Variants in CSRNP3 observed in about 807,000 individuals in gnomAD.
CSRNP3 encodes cysteine/serine-rich nuclear protein 3.
A neutral mutation model predicts 48.0 loss-of-function variants in CSRNP3; 12 were observed. The ratio of observed to expected loss-of-function variants is 0.25; its 90% CI spans 0.16 to 0.41. CSRNP3 has a LOEUF of 0.41. Among genes scored for constraint, CSRNP3 ranks in the 10% least tolerant of loss-of-function variants. CSRNP3 has a pLI of 1.00. For synonymous variants in CSRNP3, 263 were observed against 269.7 expected (o/e 0.98, Z 0.24); for missense variants, 580 against 724.4 (o/e 0.80, Z 2.29).
chr2:165,482,195 C>T (rs1684055655), intron 1 of CSRNP3, among the ~76,000 whole-genome samples: 1 of 151,960 alleles, frequency 6.6e-6, no homozygotes, highest in Non-Finnish European at 1.5e-5. Context: ...ATTCAGGATT[C>T]ACCATTTCCT....
At chr2:165,633,258 A>G (rs1218908002) in intron 4 of CSRNP3, among the ~76,000 whole-genome samples, 1 of 152,218 alleles carries the variant, frequency 6.6e-6, no homozygotes, top group Non-Finnish European at 1.5e-5. Flanking sequence ...GTTTATTTCT[A>G]TCACTTAAAT....
Position 165,678,097 on chromosome 2 carries a change from C to T in CSRNP3, c.706-604C>T, listed in dbSNP as rs369011410. Among the ~76,000 whole-genome samples, 8 of 152,156 alleles carry T rather than the reference C, an allele frequency of 5.3e-5. No individual in the cohort carries two copies. The South Asian group carries it at 8.3e-4, about 16-fold the overall frequency. ...ACACATGCACCCATGTACCAAGCACCCCAAACAATAAGAAGGTAAGCAAAT... is the reference window on the plus strand; with the variant it reads ...ACACATGCACCCATGTACCAAGCACTCCAAACAATAAGAAGGTAAGCAAAT... On this transcript the variant is annotated intron_variant, in intron 6 of 6. Transcript: ENST00000651982.
chr2:165,661,276 A>G (rs892189759), intron 5 of CSRNP3, among the ~76,000 whole-genome samples: 2 of 152,326 alleles, frequency 1.3e-5, no homozygotes, highest in East Asian at 3.9e-4. Context: ...TGATAAACCC[A>G]TCGTAAATTT....
intron 4 of CSRNP3, among the ~76,000 whole-genome samples, chr2:165,609,416 G>A (rs1422980942): frequency 7.2e-6 from 1 of 138,638 alleles, no homozygotes; most frequent in Non-Finnish European, 1.5e-5. Context: ...CCGAGATGGC[G>A]CCACTGCACT....
intron 3 of CSRNP3, among the ~76,000 whole-genome samples, chr2:165,533,456 A>G (rs1192446695): frequency 6.6e-6 from 1 of 152,030 alleles, no homozygotes; most frequent in Non-Finnish European, 1.5e-5. Context: ...TTTACTGACA[A>G]TCTCATAAGG....
In CSRNP3 at chr2:165,547,349, C is replaced by T. The variant is rs559645467; in HGVS notation, c.-24+29388C>T. 4.6e-5 allele frequency among the ~76,000 whole-genome samples: 7 copies of T among 152,238 alleles called. 1 individual carries two copies. In the South Asian group the frequency reaches 1.4e-3, roughly 32 times the overall value. On this transcript the variant is annotated intron_variant, in intron 3 of 6. Coordinates refer to ENST00000651982, the MANE Select transcript of CSRNP3 (RefSeq NM_001172173.2). Reference sequence around the variant, plus strand: ...GTCAAAAGGTTTGTGCTTTGAAAAACTTTCACAGATAATGCCAAATTACTG... The same window carrying T: ...GTCAAAAGGTTTGTGCTTTGAAAAATTTTCACAGATAATGCCAAATTACTG...
intron 3 of CSRNP3, among the ~76,000 whole-genome samples, chr2:165,589,962 G>T (rs1023487280): frequency 1.3e-5 from 2 of 152,034 alleles, no homozygotes; most frequent in Non-Finnish European, 2.9e-5. Context: ...TTAAACATAG[G>T]TTTCCATCTT....
intron 1 of CSRNP3, among the ~76,000 whole-genome samples, chr2:165,483,290 A>G (rs1427862413): frequency 6.6e-6 from 1 of 152,108 alleles, no homozygotes; most frequent in East Asian, 1.9e-4. Context: ...TGATTTTTAG[A>G]AAAATAACTT....
rs1318055891 is a variant in CSRNP3 at position 165,688,715 on chromosome 2, C to A, written c.*8962C>A. ...GTGTTATCCTTCAGTCTGTGTTGAA[C>A]CATTCAGATATTGGGAATGGTCCTT... On this transcript the variant is annotated 3_prime_UTR_variant, in exon 7 of 7. Coordinates refer to ENST00000651982, the MANE Select transcript of CSRNP3 (RefSeq NM_001172173.2). 2.0e-5 allele frequency: 3 copies of A among 151,888 alleles called. No individual in the cohort carries two copies. Among genetic ancestry groups the A allele is most frequent in the Non-Finnish European group, 4.4e-5 (3 of 67,970 alleles). 9.4% of individuals were successfully genotyped at this position (151,888 alleles called of 1,614,324 possible). A position where few individuals can be genotyped will look rare whatever the true frequency, so the allele number is the denominator to read the frequency against.
intron 3 of CSRNP3, among the ~76,000 whole-genome samples, chr2:165,562,119 C>T (rs1558935159): frequency 6.6e-6 from 1 of 151,928 alleles, no homozygotes; most frequent in African/African-American, 2.4e-5. Context: ...ATTAGAAAAG[C>T]CCGAACACCC....
At chr2:165,493,603 C>A (rs532960708) in intron 1 of CSRNP3, among the ~76,000 whole-genome samples, 1 of 152,142 alleles carries the variant, frequency 6.6e-6, no homozygotes, top group Admixed American at 6.5e-5. Flanking sequence ...ATGAATGGAG[C>A]ATTGGCCGGA....
At chr2:165,595,344 C>T in intron 4 of CSRNP3, 131 bp downstream of exon 4, 3 of 829,176 alleles carry the variant, frequency 3.6e-6, no homozygotes, top group Non-Finnish European at 3.7e-6. Context: ...AACACTTACC[C>T]AAAAATGAAA....
At position 165,502,731 on chromosome 2, in the gene CSRNP3, C is replaced by T. The variant is rs185799045; in HGVS notation, c.-113+7803C>T. Among the ~76,000 whole-genome samples, 11 of 151,898 alleles carry T rather than the reference C, an allele frequency of 7.2e-5. No individual in the cohort carries two copies. The East Asian group carries it at 2.1e-3, about 29-fold the overall frequency. ...AAATCTCTCTCTCTCCCCCACCTGCCACCGGCTCCCTCTCTCTCTCTTCCC... is the reference window on the plus strand; with the variant it reads ...AAATCTCTCTCTCTCCCCCACCTGCTACCGGCTCCCTCTCTCTCTCTTCCC... On this transcript the variant is annotated intron_variant, in intron 2 of 6. Coordinates refer to ENST00000651982, the MANE Select transcript of CSRNP3 (RefSeq NM_001172173.2).
chr2:165,613,625 G>C (rs956254521), intron 4 of CSRNP3, among the ~76,000 whole-genome samples: 12 of 152,142 alleles, frequency 7.9e-5, no homozygotes, highest in Admixed American at 7.2e-4. Flanking sequence ...TAGATATTCA[G>C]TTCTCACCAA....
At position 165,582,487 on chromosome 2, in the gene CSRNP3, C is replaced by T. The variant is rs555881636; in HGVS notation, c.-23-12556C>T. ...GCAGCCAAGACGACAGTGAAGAAAT[C>T]CCCTGGAAATGTCTCCAGCAAATGC... On this transcript the variant is annotated intron_variant, in intron 3 of 6. Transcript: ENST00000651982. 1.2e-4 allele frequency among the ~76,000 whole-genome samples: 19 copies of T among 152,266 alleles called. No homozygotes were observed. In the South Asian group the frequency reaches 3.9e-3, roughly 32 times the overall value.
At chr2:165,594,856 C>T (rs1456352904) in intron 3 of CSRNP3, among the ~76,000 whole-genome samples, 187 bp from the exon 4 acceptor site, 1 of 151,960 alleles carries the variant, frequency 6.6e-6, no homozygotes, top group African/African-American at 2.4e-5. Flanking sequence ...GTTAAATACT[C>T]ATATTTAATT....
At chr2:165,603,836 A>G (rs139029126) in intron 4 of CSRNP3, among the ~76,000 whole-genome samples, 2 of 152,188 alleles carry the variant, frequency 1.3e-5, no homozygotes, top group East Asian at 3.9e-4. Context: ...AAAGCACACA[A>G]TGTTCATGTC....
At chr2:165,592,513 C>T (rs374307769) in intron 3 of CSRNP3, among the ~76,000 whole-genome samples, 130 of 152,256 alleles carry the variant, frequency 8.5e-4, no homozygotes, top group African/African-American at 3.0e-3. Flanking sequence ...GCTGTATTCC[C>T]ACCCAAATCT....
Position 165,656,796 on chromosome 2 carries a change from AC to A in CSRNP3, c.149-962del, listed in dbSNP as rs201245694. On this transcript the variant is annotated intron_variant, in intron 4 of 6. Transcript: ENST00000651982. ...GTTGACATTTGTTTTAATGTCAAAC[AC>A]CCTCCACATAGAAATAAGATCCGAG... 8.0e-3 allele frequency among the ~76,000 whole-genome samples: 1,222 copies of A among 152,304 alleles called. 16 individuals carry two copies. Among genetic ancestry groups the A allele is most frequent in the African/African-American group, 0.028 (1,169 of 41,566 alleles).
Sources: gnomAD v4.1 joint callset for allele counts (sites outside exome capture counted in the v4.1 genomes callset) on GRCh38, gnomAD v4.1.1 for gene constraint, MANE v1.5 for transcripts, NCBI Gene and HGNC (gene_info 2026-07-23, HGNC 2026-07-21) for gene names.